Variants in ALDH1A3 observed in about 807,000 individuals in gnomAD.
The protein encoded by ALDH1A3 is aldehyde dehydrogenase 1 family member A3, also known as retinaldehyde dehydrogenase 3.
In ALDH1A3, 28 loss-of-function variants were observed where a neutral mutation model predicts 57.5. The ratio of observed to expected loss-of-function variants is 0.49; its 90% CI spans 0.36 to 0.67. The LOEUF is 0.67. Among genes scored for constraint, ALDH1A3 ranks in the 30% least tolerant of loss-of-function variants. ALDH1A3 has a pLI of 0.00. For missense variants in ALDH1A3, 507 were observed against 669.4 expected, an observed-to-expected ratio of 0.76 and a Z score of 2.68; for synonymous variants, 281 against 264.8, an observed-to-expected ratio of 1.06 and a Z score of -0.59.
At chr15:100,882,317 A>G (rs2041554539) in intron 1 of ALDH1A3, among the ~76,000 whole-genome samples, 1 of 152,192 alleles carries the variant, frequency 6.6e-6, no homozygotes, top group South Asian at 2.1e-4. Context: ...GAGAGCTGAG[A>G]GCCCCTCCAG....
Position 100,882,222 on chromosome 15 carries a change from A to G in ALDH1A3, c.99+2216A>G, listed in dbSNP as rs143637626. 4.4e-4 allele frequency among the ~76,000 whole-genome samples: 67 copies of G among 152,352 alleles called. 1 individual carries two copies. In the East Asian group the frequency reaches 6.9e-3, roughly 16 times the overall value. ...CAGTGCCATTTCCCAGGGTGGTCCAACTTTCAGGATGACTTTGTCAAAGCC... is the reference window on the plus strand; with the variant it reads ...CAGTGCCATTTCCCAGGGTGGTCCAGCTTTCAGGATGACTTTGTCAAAGCC... On this transcript the variant is annotated intron_variant, in intron 1 of 12. Transcript: ENST00000329841.
intron 7 of ALDH1A3, 155 bp from the exon 8 acceptor site, chr15:100,897,928 C>T (rs2041723829): frequency 3.2e-6 from 2 of 621,666 alleles, no homozygotes; most frequent in African/African-American, 1.8e-5. Context: ...GAGGCCAGGA[C>T]AGTGAAGGGA....
intron 2 of ALDH1A3, among the ~76,000 whole-genome samples, 191 bp downstream of exon 2, chr15:100,885,562 A>G (rs1451123992): frequency 6.6e-6 from 1 of 152,214 alleles, no homozygotes; most frequent in Non-Finnish European, 1.5e-5. Flanking sequence ...GATCCTCTGC[A>G]GAGAATCATT....
At chr15:100,892,797 T>C (rs2041663346) in intron 4 of ALDH1A3, 148 bp from the exon 5 acceptor site, 1 of 1,339,248 alleles carries the variant, frequency 7.5e-7, no homozygotes, top group African/African-American at 1.5e-5. Flanking sequence ...ACTTCACTTT[T>C]AAAGTTGAGG....
Position 100,883,501 on chromosome 15 carries a change from A to G in ALDH1A3, c.100-1766A>G, listed in dbSNP as rs114547411. On this transcript the variant is annotated intron_variant, in intron 1 of 12. Transcript: ENST00000329841. Reference sequence around the variant, plus strand: ...CCAGAAGCCAGACAGGCAAATCCCAATGGTGACCGATGCTCTCAGTTCTGG... The same window carrying G: ...CCAGAAGCCAGACAGGCAAATCCCAGTGGTGACCGATGCTCTCAGTTCTGG... 4.1e-3 allele frequency among the ~76,000 whole-genome samples: 617 copies of G among 152,248 alleles called. 2 individuals carry two copies. The highest frequency in any genetic ancestry group is 0.012 in the African/African-American group (505 of 41,536).
intron 12 of ALDH1A3, 102 bp downstream of exon 12, chr15:100,908,584 C>G (rs914763527): frequency 1.9e-6 from 2 of 1,037,080 alleles, no homozygotes; most frequent in East Asian, 2.5e-5. Flanking sequence ...CCCCGTCCCC[C>G]CCACACCGCC....
At chr15:100,895,692 C>T (rs552611153) in intron 6 of ALDH1A3, 3 of 558,110 alleles carry the variant, frequency 5.4e-6, no homozygotes, top group South Asian at 4.4e-5. Context: ...GGTCCCCCCC[C>T]AGAAGGAGAA....
At chr15:100,885,461 C>G (rs1326779244) in intron 2 of ALDH1A3, 90 bp downstream of exon 2, 11 of 939,916 alleles carry the variant, frequency 1.2e-5, no homozygotes, top group Non-Finnish European at 1.8e-5. Flanking sequence ...TAAGACAGAA[C>G]TGGCCTATCC....
intron 1 of ALDH1A3, among the ~76,000 whole-genome samples, chr15:100,884,197 G>A (rs1183560011): frequency 4.6e-5 from 7 of 152,168 alleles, no homozygotes; most frequent in South Asian, 2.1e-4. Context: ...GGGGACCTCC[G>A]TGCTGTCGGA....
chr15:100,883,948 C>CT (rs2041570258), intron 1 of ALDH1A3, among the ~76,000 whole-genome samples: 1 of 152,184 alleles, frequency 6.6e-6, no homozygotes, highest in African/African-American at 2.4e-5. Flanking sequence ...GCAATTCTTC[C>CT]TTTAAACAAT....
chr15:100,887,520 C>G lies in ALDH1A3; in HGVS notation c.205-52C>G. ...GTCACGTCAAAAGATGACACCCAAA[C>G]TGCAGTCACGTCAAAAGATGACAGT... On this transcript the variant is annotated intron_variant, in intron 2 of 12. Transcript: ENST00000329841. The surrounding 1 kb of genome is among the most constrained non-coding windows in gnomAD (Gnocchi z 4.6). 6.7e-7 allele frequency: 1 copy of G among 1,483,392 alleles called. No individual in the cohort carries two copies. The highest frequency in any genetic ancestry group is 9.0e-7 in the Non-Finnish European group (1 of 1,109,606). The allele number at this position is 1,483,392 out of a possible 1,614,324, so 91.9% of individuals were successfully genotyped here. A position where few individuals can be genotyped will look rare whatever the true frequency, so the allele number is the denominator to read the frequency against.
chr15:100,900,568 C>A lies in ALDH1A3; in HGVS notation c.884-7C>A. 1 of 1,575,366 alleles carries A rather than the reference C, an allele frequency of 6.3e-7. No homozygotes were observed. The highest frequency in any genetic ancestry group is 8.6e-7 in the Non-Finnish European group (1 of 1,159,096). On this transcript the variant is annotated splice_region_variant and splice_polypyrimidine_tract_variant and intron_variant, in intron 8 of 12. Transcript: ENST00000329841. ...TCTGCCCGCCTCCCTCGCCCCTCCCCCTCCAGTGGACTTGGCAGTGGAGTG... is the reference window on the plus strand; with the variant it reads ...TCTGCCCGCCTCCCTCGCCCCTCCCACTCCAGTGGACTTGGCAGTGGAGTG...
intron 7 of ALDH1A3, among the ~76,000 whole-genome samples, chr15:100,897,475 G>GT (rs2041716620): frequency 6.6e-6 from 1 of 152,258 alleles, no homozygotes; most frequent in Admixed American, 6.5e-5. Flanking sequence ...AGCATGACTG[G>GT]TGAGTGGCTT....
At chr15:100,885,930 A>C (rs28668881) in intron 2 of ALDH1A3, among the ~76,000 whole-genome samples, 1,693 of 152,312 alleles carry the variant, frequency 0.011, 32 homozygotes, top group African/African-American at 0.025. Context: ...AGGTCTATAT[A>C]GTAATACAGA....
At chr15:100,914,075 C>G (rs2041907926) in intron 12 of ALDH1A3, 1 of 152,434 alleles carries the variant, frequency 6.6e-6, no homozygotes, top group South Asian at 2.1e-4. Context: ...AGGATGTGAA[C>G]CCAAAAGCTG....
chr15:100,893,971 G>C lies in ALDH1A3; in HGVS notation c.555G>C (p.Leu185=), dbSNP rs2141556340. 6.2e-7 allele frequency: 1 copy of C among 1,614,172 alleles called. No homozygotes were observed. The highest frequency in any genetic ancestry group is 8.5e-7 in the Non-Finnish European group (1 of 1,180,028). The change falls in exon 6 of 13, where the codon CTG becomes CTC. Residue 185 remains leucine, a synonymous_variant. Transcript: ENST00000329841. This position sits in a 1 kb window ranked among gnomAD's most constrained non-coding sequence, Gnocchi z 4.8. ...TGTCGCAGTGGAACTTCCCCCTGCT[G>C]ATGCTGGTGTGGAAGCTGGCACCCG... The part of the protein sequence containing the change: ...GAITPWNFPL[L]MLVWKLAPAL...
chr15:100,886,265 T>C (rs1268837414), intron 2 of ALDH1A3, among the ~76,000 whole-genome samples: 2 of 152,140 alleles, frequency 1.3e-5, no homozygotes, highest in Non-Finnish European at 2.9e-5. Context: ...ACAAAGAAAG[T>C]GGCACAGAGG....
chr15:100,879,894 A>G lies in ALDH1A3; in HGVS notation c.-14A>G, dbSNP rs1567165939. The G allele has an allele frequency of 1.4e-6, 2 of 1,403,128 alleles. No homozygotes were observed. The highest frequency in any genetic ancestry group is 2.8e-5 in the Admixed American group (1 of 35,422). The allele number at this position is 1,403,128 out of a possible 1,614,324, so 86.9% of individuals were successfully genotyped here. A position where few individuals can be genotyped will look rare whatever the true frequency, so the allele number is the denominator to read the frequency against. ...CAGACTAGGGCGCCTCGGGCCAGGG[A>G]GCGCGGAGGAGCCATGGCCACCGCT... On this transcript the variant is annotated 5_prime_UTR_variant, in exon 1 of 13. Transcript: ENST00000329841.
At chr15:100,898,949 C>T (rs1346347499) in intron 8 of ALDH1A3, among the ~76,000 whole-genome samples, 1 of 152,224 alleles carries the variant, frequency 6.6e-6, no homozygotes, top group African/African-American at 2.4e-5. Context: ...AAAGAATAGC[C>T]TCCCAGACCT....
Sources: gnomAD v4.1 joint callset for allele counts (sites outside exome capture counted in the v4.1 genomes callset) on GRCh38, gnomAD v4.1.1 for gene constraint, Gnocchi (gnomAD v3.1) non-coding constraint, MANE v1.5 for transcripts, NCBI Gene and HGNC (gene_info 2026-07-23, HGNC 2026-07-21) for gene names.